DCC: variants seen among roughly 807,000 people sequenced by gnomAD.
The protein encoded by DCC is DCC netrin 1 receptor, also known as netrin receptor DCC.
In DCC, 58 loss-of-function variants were observed where a neutral mutation model predicts 172.5. The observed-to-expected ratio is 0.34, with a 90% CI of 0.27 to 0.42. DCC has a LOEUF of 0.42. Ranked by LOEUF, DCC falls within the 10% of genes least tolerant of loss-of-function variation. The pLI is 1.00. For missense variants in DCC, 1,740 were observed against 1,791.0 expected, an observed-to-expected ratio of 0.97 and a Z score of 0.51; for synonymous variants, 709 against 644.5, an observed-to-expected ratio of 1.10 and a Z score of -1.52.
chr18:53,086,870 C>G (rs1750893086), intron 7 of DCC, among the ~76,000 whole-genome samples: 1 of 149,160 alleles, frequency 6.7e-6, no homozygotes, highest in Admixed American at 6.7e-5. Context: ...TTTGTTCTTG[C>G]AATAGTTTAC....
At chr18:53,279,266 G>T (rs1237654997) in intron 12 of DCC, among the ~76,000 whole-genome samples, 1 of 151,952 alleles carries the variant, frequency 6.6e-6, no homozygotes, top group Non-Finnish European at 1.5e-5. Context: ...AACAATGATA[G>T]ACTGGATTAA....
At chr18:53,527,369 T>C (rs2046470658) in intron 28 of DCC, among the ~76,000 whole-genome samples, 1 of 151,870 alleles carries the variant, frequency 6.6e-6, no homozygotes, top group South Asian at 2.1e-4. Context: ...TAGGTGCACA[T>C]TACTACACCA....
chr18:53,241,084 A>G (rs184614523), intron 12 of DCC, among the ~76,000 whole-genome samples: 53 of 152,192 alleles, frequency 3.5e-4, no homozygotes, highest in East Asian at 2.7e-3. Flanking sequence ...CCCATAAACA[A>G]TTTGACCCTG....
chr18:52,436,574 TA>T (rs1306191267), intron 1 of DCC, among the ~76,000 whole-genome samples: 7 of 152,172 alleles, frequency 4.6e-5, no homozygotes, highest in African/African-American at 1.7e-4. Context: ...CTATGTACAT[TA>T]AAATATGGAA....
At chr18:52,515,927 G>GAAAAAAAAAAAAAAAAA (rs1316170577) in intron 1 of DCC, among the ~76,000 whole-genome samples, 1 of 75,602 alleles carries the variant, frequency 1.3e-5, no homozygotes. Context: ...GTTAGAAAAT[G>GAAAAAAAAAAAAAAAAA]GAAAAAAAAA....
In DCC at chr18:53,072,772, C is replaced by T. The variant is rs193023531; in HGVS notation, c.1261+6606C>T. On this transcript the variant is annotated intron_variant, in intron 7 of 28. Transcript: ENST00000442544. ...CTTGGGCAAGATATAGGGTCTATGT[C>T]TTATGTTAATATTGCATATTTGGCT... Among the ~76,000 whole-genome samples the T allele has an allele frequency of 1.3e-3, 205 of 152,244 alleles. 1 individual carries two copies. The highest frequency in any genetic ancestry group is 4.3e-3 in the African/African-American group (177 of 41,528).
intron 2 of DCC, among the ~76,000 whole-genome samples, chr18:52,796,553 T>G (rs2037881343): frequency 1.3e-5 from 2 of 152,160 alleles, no homozygotes; most frequent in African/African-American, 2.4e-5. Flanking sequence ...AAGACTTTAT[T>G]TTTCCTTCAT....
At chr18:52,648,333 C>T (rs2035058231) in intron 1 of DCC, among the ~76,000 whole-genome samples, 1 of 152,204 alleles carries the variant, frequency 6.6e-6, no homozygotes, top group South Asian at 2.1e-4. Context: ...TTGTTAAACA[C>T]AAGCACAGGC....
chr18:52,417,700 C>T (rs376813948), intron 1 of DCC, among the ~76,000 whole-genome samples: 18 of 152,194 alleles, frequency 1.2e-4, no homozygotes, highest in Admixed American at 3.3e-4. Context: ...AGGTAGTTCT[C>T]GAGCCTTGGC....
At chr18:53,028,838 A>C (rs7244199) in intron 5 of DCC, among the ~76,000 whole-genome samples, 5,983 of 152,232 alleles carry the variant, frequency 0.039, 368 homozygotes, top group African/African-American at 0.13. Flanking sequence ...CCACAAATAA[A>C]TTCAGAAATG....
chr18:52,572,620 G>C (rs1363334626), intron 1 of DCC, among the ~76,000 whole-genome samples: 4 of 152,156 alleles, frequency 2.6e-5, no homozygotes, highest in Non-Finnish European at 2.9e-5. Context: ...GCGTGCTAAG[G>C]GGGAGAGGGA....
chr18:52,365,124 C>T (rs1349515347), intron 1 of DCC, among the ~76,000 whole-genome samples: 2 of 152,178 alleles, frequency 1.3e-5, no homozygotes, highest in African/African-American at 4.8e-5. Context: ...TTAAACTTGT[C>T]TCCTTGTCAT....
At chr18:52,971,508 C>T (rs558056614) in intron 5 of DCC, among the ~76,000 whole-genome samples, 30 of 143,382 alleles carry the variant, frequency 2.1e-4, no homozygotes, top group East Asian at 1.0e-3. Context: ...TGTGTGTGTG[C>T]GCGCACACAC....
intron 1 of DCC, among the ~76,000 whole-genome samples, chr18:52,345,228 C>A (rs1162468112): frequency 6.6e-6 from 1 of 152,072 alleles, no homozygotes; most frequent in Non-Finnish European, 1.5e-5. Context: ...ATGTCACAAA[C>A]CTGCTGAAAT....
chr18:52,469,617 T>G (rs1988889187), intron 1 of DCC, among the ~76,000 whole-genome samples: 1 of 152,194 alleles, frequency 6.6e-6, no homozygotes, highest in South Asian at 2.1e-4. Context: ...AATTGTAAAA[T>G]TTTAGCTTTA....
chr18:53,170,428 A>AT (rs5824994), intron 8 of DCC, among the ~76,000 whole-genome samples: 107 of 152,270 alleles, frequency 7.0e-4, no homozygotes, highest in African/African-American at 2.2e-3. Context: ...ATCAATAAAG[A>AT]TTTTTTTTGG....
intron 1 of DCC, among the ~76,000 whole-genome samples, chr18:52,353,621 A>G (rs988732817): frequency 5.9e-5 from 9 of 152,210 alleles, no homozygotes; most frequent in Admixed American, 6.6e-5. Context: ...AGGTTTTTGA[A>G]GAAGAGTAAA....
At chr18:53,318,247 G>T (rs978432129) in intron 13 of DCC, among the ~76,000 whole-genome samples, 1 of 152,036 alleles carries the variant, frequency 6.6e-6, no homozygotes, top group African/African-American at 2.4e-5. Context: ...TACCCAGTAG[G>T]CATTCAGGAC....
chr18:52,856,184 T>C lies in DCC; in HGVS notation c.413-49860T>C, dbSNP rs575483274. ...AAGTCAATGTCTGTTAGAAATACAG[T>C]TGCATGCCTTGAATAAGTAAGTTAA... On this transcript the variant is annotated intron_variant, in intron 2 of 28. Transcript: ENST00000442544. Among the ~76,000 whole-genome samples, 52 of 152,300 alleles carry C rather than the reference T, an allele frequency of 3.4e-4. 1 individual carries two copies. Among genetic ancestry groups the C allele is most frequent in the African/African-American group, 1.1e-3 (45 of 41,578 alleles).
Sources: gnomAD v4.1 joint callset for allele counts (sites outside exome capture counted in the v4.1 genomes callset) on GRCh38, gnomAD v4.1.1 for gene constraint, MANE v1.5 for transcripts, NCBI Gene and HGNC (gene_info 2026-07-23, HGNC 2026-07-21) for gene names.